The following MDGA1 variants were observed in gnomAD, a reference collection of about 807,000 sequenced individuals.
The protein encoded by MDGA1 is MAM domain containing glycosylphosphatidylinositol anchor 1.
MDGA1 carries 54 observed loss-of-function variants against 101.5 expected under a neutral mutation model. The observed-to-expected ratio is 0.53, with a 90% confidence interval of 0.43 to 0.67. The LOEUF (loss-of-function observed/expected upper bound fraction) is 0.67. Ranked by LOEUF, MDGA1 falls within the 30% of genes least tolerant of loss-of-function variation. The pLI is 0.00. For missense variants in MDGA1, 1,083 were observed against 1,323.8 expected, an observed-to-expected ratio of 0.82 and a Z score of 2.82; for synonymous variants, 533 against 558.3, an observed-to-expected ratio of 0.95 and a Z score of 0.64.
intron 14 of MDGA1, among the ~76,000 whole-genome samples, chr6:37,640,032 C>A (rs1056578849): frequency 2.0e-5 from 3 of 152,132 alleles, no homozygotes; most frequent in Admixed American, 2.0e-4. Context: ...AGATGTGAAT[C>A]CCAGGGACTG....
At chr6:37,651,655 G>T (rs746465463) in intron 7 of MDGA1, among the ~76,000 whole-genome samples, 2 of 152,056 alleles carry the variant, frequency 1.3e-5, no homozygotes. Flanking sequence ...TCTACACACC[G>T]TACAGGCTAA....
At chr6:37,676,484 G>A (rs1761981439) in intron 1 of MDGA1, among the ~76,000 whole-genome samples, 1 of 152,260 alleles carries the variant, frequency 6.6e-6, no homozygotes, top group Non-Finnish European at 1.5e-5. Context: ...GCCAAAGGGA[G>A]AAAATGAGGC....
intron 1 of MDGA1, among the ~76,000 whole-genome samples, chr6:37,684,639 T>C (rs2114098371): frequency 6.6e-6 from 1 of 152,332 alleles, no homozygotes; most frequent in Middle Eastern, 3.4e-3. Context: ...GGTCTCAGTT[T>C]CTTCCTGCAA....
In MDGA1 at chr6:37,631,896, A is replaced by T. The variant is rs1391092496; in HGVS notation, c.*5472T>A. On this transcript the variant is annotated 3_prime_UTR_variant, in exon 17 of 17. Transcript: ENST00000434837. ...GGGCCAGAATAGAGATTAAGAGGGAAGGGACTCCAAGCGTGTAGGAGGGAT... is the reference window on the plus strand; with the variant it reads ...GGGCCAGAATAGAGATTAAGAGGGATGGGACTCCAAGCGTGTAGGAGGGAT... The T allele has an allele frequency of 1.3e-5, 2 of 152,188 alleles. No homozygotes were observed. The highest frequency in any genetic ancestry group is 2.4e-5 in the African/African-American group (1 of 41,434). The allele number at this position is 152,188 out of a possible 1,614,324, so 9.4% of individuals were successfully genotyped here.
At chr6:37,650,052 C>G in intron 8 of MDGA1, 57 bp downstream of exon 8, 2 of 1,604,168 alleles carry the variant, frequency 1.2e-6, no homozygotes, top group East Asian at 2.2e-5. Flanking sequence ...GGGGACAGGC[C>G]GGCTGGGAGC....
chr6:37,660,269 G>C (rs953068169), intron 2 of MDGA1, among the ~76,000 whole-genome samples: 85 of 151,774 alleles, frequency 5.6e-4, no homozygotes, highest in African/African-American at 2.0e-3. Context: ...TCCCACCTTG[G>C]TCTCCCAAAG....
rs1457562429 is a variant in MDGA1 at position 37,658,376 on chromosome 6, T to C, written c.251A>G (p.Gln84Arg). ...KTAGSASDKFQETSVFNETLR... is the reference protein window; with the variant it reads ...KTAGSASDKFRETSVFNETLR... ...CGTCTCGTTGAACACCGATGTCTCCTGGAACTTGTCCGAGGCGCTACCTGC... is the reference window on the plus strand; with the variant it reads ...CGTCTCGTTGAACACCGATGTCTCCCGGAACTTGTCCGAGGCGCTACCTGC... The change falls in exon 3 of 17, where the codon CAG becomes CGG. Residue 84 changes from glutamine (Q) to arginine (R), a missense_variant. Gln to Arg is a conservative substitution (Grantham distance 43). This residue lies in a region of MDGA1 where 310 missense variants were observed against 355.9 expected (regional missense o/e 0.87). Transcript: ENST00000434837. 12 of 1,612,450 alleles carry C rather than the reference T, an allele frequency of 7.4e-6. No individual in the cohort carries two copies. Among genetic ancestry groups the C allele is most frequent in the Non-Finnish European group, 1.0e-5 (12 of 1,179,420 alleles).
intron 8 of MDGA1, chr6:37,649,770 A>C (rs770511145): frequency 7.7e-6 from 4 of 522,732 alleles, no homozygotes; most frequent in Non-Finnish European, 1.4e-5. Flanking sequence ...AGTGTTTGGC[A>C]CATGGTGGTA....
intron 1 of MDGA1, among the ~76,000 whole-genome samples, chr6:37,690,377 G>T (rs1762283941): frequency 6.6e-6 from 1 of 152,248 alleles, no homozygotes; most frequent in African/African-American, 2.4e-5. Flanking sequence ...GTCCAGGTCT[G>T]CCACTTGGAC....
intron 1 of MDGA1, among the ~76,000 whole-genome samples, chr6:37,684,447 T>C (rs1029828704): frequency 6.6e-6 from 1 of 152,192 alleles, no homozygotes; most frequent in Non-Finnish European, 1.5e-5. Context: ...GGAAGGATTA[T>C]AGAGATGTGG....
intron 1 of MDGA1, among the ~76,000 whole-genome samples, chr6:37,686,730 A>G (rs958070663): frequency 6.6e-6 from 1 of 152,190 alleles, no homozygotes; most frequent in Non-Finnish European, 1.5e-5. Context: ...CCTAGCCAGC[A>G]TCAGGACTTT....
chr6:37,645,847 A>G (rs551622137), intron 12 of MDGA1, 86 bp downstream of exon 12: 52 of 1,479,114 alleles, frequency 3.5e-5, no homozygotes, highest in Non-Finnish European at 4.9e-5. Context: ...GACTATCTCA[A>G]GGATAGCCTA....
At chr6:37,671,372 A>C (rs1349921516) in intron 1 of MDGA1, among the ~76,000 whole-genome samples, 2 of 152,208 alleles carry the variant, frequency 1.3e-5, no homozygotes, top group Non-Finnish European at 2.9e-5. Flanking sequence ...CCTGAGAGAC[A>C]GCAATGTTCT....
At chr6:37,682,256 GGGCA>G (rs879784386) in intron 1 of MDGA1, among the ~76,000 whole-genome samples, 7 of 152,206 alleles carry the variant, frequency 4.6e-5, no homozygotes, top group Admixed American at 4.6e-4. Flanking sequence ...AGGCCGAGGT[GGGCA>G]GATCACCTGA....
chr6:37,693,961 C>G lies in MDGA1; in HGVS notation c.67+2784G>C, dbSNP rs533332939. On this transcript the variant is annotated intron_variant, in intron 1 of 16. Transcript: ENST00000434837. ...GCAGGTGGTGGACCTCAGTGGGAAG[C>G]AGGACATAGGGTTCTAGGCACCTAC... Among the ~76,000 whole-genome samples, 40 of 152,256 alleles carry G rather than the reference C, an allele frequency of 2.6e-4. 1 individual carries two copies. The South Asian group carries it at 7.7e-3, about 29-fold the overall frequency.
chr6:37,633,480 C>T lies in MDGA1; in HGVS notation c.*3888G>A, dbSNP rs913143832. ...TTTGGGGAAACCAAGAGGATGAGCA[C>T]ATGAGAACATGCTGACCTTCACTCC... On this transcript the variant is annotated 3_prime_UTR_variant, in exon 17 of 17. Coordinates refer to ENST00000434837, the MANE Select transcript of MDGA1 (RefSeq NM_153487.4). The T allele has an allele frequency of 6.6e-6, 1 of 152,282 alleles. No individual in the cohort carries two copies. Among genetic ancestry groups the T allele is most frequent in the African/African-American group, 2.4e-5 (1 of 41,460 alleles). The allele number at this position is 152,282 out of a possible 1,614,324, so 9.4% of individuals were successfully genotyped here.
At chr6:37,675,585 GT>G (rs1375658085) in intron 1 of MDGA1, among the ~76,000 whole-genome samples, 1 of 152,164 alleles carries the variant, frequency 6.6e-6, no homozygotes, top group Non-Finnish European at 1.5e-5. Context: ...GCTGAAAGTA[GT>G]AATAATCACT....
At position 37,665,164 on chromosome 6, in the gene MDGA1, C is replaced by T. The variant is rs554468669; in HGVS notation, c.68-1058G>A. ...CTTGCCAAGGTCACAGCCCCTACCT[C>T]ATTGTCTAGCCCCATCGTCCTAAAG... On this transcript the variant is annotated intron_variant, in intron 1 of 16. Transcript: ENST00000434837. Among the ~76,000 whole-genome samples, 18 of 152,264 alleles carry T rather than the reference C, an allele frequency of 1.2e-4. No individual in the cohort carries two copies. The East Asian group carries it at 2.7e-3, about 23-fold the overall frequency.
chr6:37,631,615 C>T lies in MDGA1; in HGVS notation c.*5753G>A, dbSNP rs1763824951. The T allele has an allele frequency of 6.6e-6, 1 of 152,202 alleles. No homozygotes were observed. The allele number at this position is 152,202 out of a possible 1,614,324, so 9.4% of individuals were successfully genotyped here. A position where few individuals can be genotyped will look rare whatever the true frequency, so the allele number is the denominator to read the frequency against. On this transcript the variant is annotated 3_prime_UTR_variant, in exon 17 of 17. Transcript: ENST00000434837. ...TAGTCCATATCATGACATCCACACC[C>T]TTGATTTGGGGTCACTTTGCAAATG...
Sources: allele counts gnomAD v4.1 joint callset (sites outside exome capture counted in the v4.1 genomes callset), GRCh38; gene constraint gnomAD v4.1.1; regional missense constraint gnomAD v4.1.1; transcripts MANE v1.5; gene names NCBI Gene and HGNC (gene_info 2026-07-23, HGNC 2026-07-21).